Variants in PRPF38B observed in about 807,000 individuals in gnomAD.
The protein encoded by PRPF38B is pre-mRNA processing factor 38B, also known as pre-mRNA-splicing factor 38B.
In PRPF38B, 18 loss-of-function variants were observed where a neutral mutation model predicts 67.2. The observed-to-expected ratio is 0.27, with a 90% CI of 0.19 to 0.40. The LOEUF is 0.40. Among genes scored for constraint, PRPF38B ranks in the 10% least tolerant of loss-of-function variants. The probability of loss-of-function intolerance (pLI) is 1.00; values close to 1 mark genes in which losing one functional copy is unlikely to be tolerated. For missense variants in PRPF38B, 544 were observed against 684.9 expected (o/e 0.79, Z 2.30); for synonymous variants, 246 against 234.2 (o/e 1.05, Z -0.46).
chr1:108,699,359 G>A lies in PRPF38B; in HGVS notation c.980G>A (p.Arg327His), dbSNP rs773866579. Residue 327 changes from arginine (R) to histidine (H), a missense_variant, in exon 6 of 6, where the codon CGC becomes CAC. Arg to His is a conservative substitution (Grantham distance 29). Around this residue, in one of 5 missense-constraint regions of PRPF38B, gnomAD observed 387 missense variants for 386.1 expected, o/e 1.00. Coordinates refer to ENST00000370025, the MANE Select transcript of PRPF38B (RefSeq NM_018061.4). ...CGAAGTATTGACCGGGGGTTAGAACGCAGGCGCAGCAGAAGTAGGGAAAGG... is the reference window on the plus strand; with the variant it reads ...CGAAGTATTGACCGGGGGTTAGAACACAGGCGCAGCAGAAGTAGGGAAAGG... ...RSRSIDRGLE[R>H]RRSRSRERHR... 9.3e-6 allele frequency: 15 copies of A among 1,614,048 alleles called. No homozygotes were observed. The highest frequency in any genetic ancestry group is 1.3e-5 in the Non-Finnish European group (15 of 1,180,038).
Position 108,699,228 on chromosome 1 carries a change from G to C in PRPF38B, c.849G>C (p.Arg283=), listed in dbSNP as rs751845894. Reference sequence around the variant, plus strand: ...GGTCAAGAAGTAGAAGTCATCATCGGGAGGGCCATGGGTCTTCTAGTTTTG... The same window carrying C: ...GGTCAAGAAGTAGAAGTCATCATCGCGAGGGCCATGGGTCTTCTAGTTTTG... ...PRRSRSRSHH[R]EGHGSSSFDR... Residue 283 remains arginine, a synonymous_variant, in exon 6 of 6, where the codon CGG becomes CGC. Coordinates refer to ENST00000370025, the MANE Select transcript of PRPF38B (RefSeq NM_018061.4). 3.7e-6 allele frequency: 6 copies of C among 1,614,142 alleles called. No homozygotes were observed. In the Admixed American group the frequency reaches 8.3e-5, roughly 22 times the overall value.
Position 108,702,925 on chromosome 1 carries a change from A to G in PRPF38B, c.*2905A>G, listed in dbSNP as rs1660658193. On this transcript the variant is annotated 3_prime_UTR_variant, in exon 6 of 6. Transcript: ENST00000370025. Reference sequence around the variant, plus strand: ...TGCAATTAAATTCTATACATGGGCGAGTATATCATCAATCTTAAACTTTTA... The same window carrying G: ...TGCAATTAAATTCTATACATGGGCGGGTATATCATCAATCTTAAACTTTTA... Among the ~76,000 whole-genome samples the G allele has an allele frequency of 6.6e-6, 1 of 152,140 alleles. No homozygotes were observed. The highest frequency in any genetic ancestry group is 1.5e-5 in the Non-Finnish European group (1 of 68,030).
In PRPF38B at chr1:108,699,950, G is replaced by T. The variant is rs140893827; in HGVS notation, c.1571G>T (p.Arg524Leu). ...AAGGACCAGTCAGACAAACATGATC[G>T]TCGAAGGAGCCAAAGTATAGAACAA... Reference protein sequence around the residue: ...DSKDQSDKHDRRRSQSIEQES... With the variant: ...DSKDQSDKHDLRRSQSIEQES... The change falls in exon 6 of 6, where the codon CGT becomes CTT. Residue 524 changes from arginine to leucine, a missense_variant. By Grantham distance (102) the Arg-to-Leu change is moderately radical. Around this residue, in one of 5 missense-constraint regions of PRPF38B, gnomAD observed 387 missense variants for 386.1 expected, o/e 1.00. Coordinates refer to ENST00000370025, the MANE Select transcript of PRPF38B (RefSeq NM_018061.4). 1 of 1,613,326 alleles carries T rather than the reference G, an allele frequency of 6.2e-7. No homozygotes were observed. The highest frequency in any genetic ancestry group is 1.7e-5 in the Admixed American group (1 of 59,732).
chr1:108,698,958 A>C, intron 5 of PRPF38B, 131 bp downstream of exon 5: 1 of 1,316,394 alleles, frequency 7.6e-7, no homozygotes, highest in Non-Finnish European at 1.0e-6. Flanking sequence ...TTTACCCCCC[A>C]AAGATTATTT....
chr1:108,700,172 G>C lies in PRPF38B; in HGVS notation c.*152G>C. On this transcript the variant is annotated 3_prime_UTR_variant, in exon 6 of 6. Transcript: ENST00000370025. ...CTCTTTCGTGTAGGGAAGTGCCTTT[G>C]TAATTCCATTTATTGCATTGGTGTT... is the stretch of plus-strand genomic sequence containing the variant. The C allele has an allele frequency of 1.6e-6, 2 of 1,279,702 alleles. No individual in the cohort carries two copies. The highest frequency in any genetic ancestry group is 1.9e-5 in the South Asian group (1 of 51,598). 79.3% of individuals were successfully genotyped at this position (1,279,702 alleles called of 1,614,324 possible). A position where few individuals can be genotyped will look rare whatever the true frequency, so the allele number is the denominator to read the frequency against.
Position 108,700,237 on chromosome 1 carries a change from G to C in PRPF38B, c.*217G>C. The C allele has an allele frequency of 1.4e-6, 1 of 729,360 alleles. No individual in the cohort carries two copies. 45.2% of individuals were successfully genotyped at this position (729,360 alleles called of 1,614,324 possible). On this transcript the variant is annotated 3_prime_UTR_variant, in exon 6 of 6. Transcript: ENST00000370025. ...AAGTTTGATACATGATGCACAGATTGTTCTTGCATTTTTATTGTTTGTTTT... is the reference window on the plus strand; with the variant it reads ...AAGTTTGATACATGATGCACAGATTCTTCTTGCATTTTTATTGTTTGTTTT...
At position 108,702,688 on chromosome 1, in the gene PRPF38B, A is replaced by G. The variant is rs1557780863; in HGVS notation, c.*2668A>G. Among the ~76,000 whole-genome samples the G allele has an allele frequency of 6.6e-6, 1 of 152,132 alleles. No homozygotes were observed. Among genetic ancestry groups the G allele is most frequent in the Admixed American group, 6.6e-5 (1 of 15,262 alleles). On this transcript the variant is annotated 3_prime_UTR_variant, in exon 6 of 6. Coordinates refer to ENST00000370025, the MANE Select transcript of PRPF38B (RefSeq NM_018061.4). ...ATATTAGGAGAAATACCTAATGTAGATGACAGGTTGATGGGTGCAGCTCAC... is the reference window on the plus strand; with the variant it reads ...ATATTAGGAGAAATACCTAATGTAGGTGACAGGTTGATGGGTGCAGCTCAC...
Position 108,692,452 on chromosome 1 carries a change from C to T in PRPF38B, c.-140C>T, listed in dbSNP as rs945111446. 14 of 1,057,048 alleles carry T rather than the reference C, an allele frequency of 1.3e-5. No individual in the cohort carries two copies. Among genetic ancestry groups the T allele is most frequent in the Non-Finnish European group, 1.9e-5 (14 of 755,608 alleles). 65.5% of individuals were successfully genotyped at this position (1,057,048 alleles called of 1,614,324 possible). ...TGTCGGCGTCGGGTGCCCTCTCTTG[C>T]CCAGCTGGGGCACAGCGAGGCGGCC... On this transcript the variant is annotated 5_prime_UTR_variant, in exon 1 of 6. Transcript: ENST00000370025.
chr1:108,696,443 A>G, intron 4 of PRPF38B, 106 bp downstream of exon 4: 1 of 1,023,868 alleles, frequency 9.8e-7, no homozygotes, highest in East Asian at 2.6e-5. Flanking sequence ...CTGTAGTTAA[A>G]TTTATTTCAG....
Position 108,701,462 on chromosome 1 carries a change from C to G in PRPF38B, c.*1442C>G, listed in dbSNP as rs1660492169. ...ATGTCAAAGACGTTTATTGGGATAC[C>G]TTTTACTTGGACAATATGTTAGCAT... On this transcript the variant is annotated 3_prime_UTR_variant, in exon 6 of 6. Transcript: ENST00000370025. 1 of 152,102 alleles carries G rather than the reference C, an allele frequency of 6.6e-6. No homozygotes were observed. The highest frequency in any genetic ancestry group is 6.6e-5 in the Admixed American group (1 of 15,266). 9.4% of individuals were successfully genotyped at this position (152,102 alleles called of 1,614,324 possible). A position where few individuals can be genotyped will look rare whatever the true frequency, so the allele number is the denominator to read the frequency against.
chr1:108,692,911 A>G, intron 1 of PRPF38B, 44 bp downstream of exon 1: 1 of 1,577,722 alleles, frequency 6.3e-7, no homozygotes, highest in Non-Finnish European at 8.6e-7. Flanking sequence ...AGTTCGGAAG[A>G]GGGGGTATGG....
At chr1:108,693,497 C>T (rs1659543978) in intron 1 of PRPF38B, 1 of 528,902 alleles carries the variant, frequency 1.9e-6, no homozygotes, top group South Asian at 8.3e-5. Context: ...CCCTGGGCTT[C>T]TGCGGCAGGG....
At position 108,699,889 on chromosome 1, in the gene PRPF38B, A is replaced by C. The variant is rs775812574; in HGVS notation, c.1510A>C (p.Lys504Gln). The change falls in exon 6 of 6, where the codon AAA becomes CAA. Residue 504 changes from lysine to glutamine, a missense_variant. Physicochemically the swap from Lys to Gln is moderately conservative, Grantham distance 53 (BLOSUM62 1). Transcript: ENST00000370025. ...KEKSRKRSRS[K>Q]ERSHKRDHSD... ...AAAATCTAGAAAGCGTAGTAGAAGC[A>C]AAGAACGTTCCCACAAACGAGATCA... 83 of 1,614,106 alleles carry C rather than the reference A, an allele frequency of 5.1e-5. No homozygotes were observed. The highest frequency in any genetic ancestry group is 6.5e-5 in the Non-Finnish European group (77 of 1,180,032).
chr1:108,692,893 TG>T (rs938275614), intron 1 of PRPF38B, 26 bp downstream of exon 1: 13 of 1,593,126 alleles, frequency 8.2e-6, no homozygotes, highest in Admixed American at 1.7e-5. Flanking sequence ...GCCTTGGCTT[TG>T]GGGGTAAGTT....
intron 4 of PRPF38B, 147 bp from the exon 5 acceptor site, chr1:108,698,457 T>C: frequency 1.6e-6 from 1 of 644,538 alleles, no homozygotes; most frequent in Non-Finnish European, 2.6e-6. Context: ...TTTCTGTTCA[T>C]TCATTGTCAG....
chr1:108,693,886 A>G lies in PRPF38B; in HGVS notation c.276+1019A>G, dbSNP rs1012123538. Among the ~76,000 whole-genome samples the G allele has an allele frequency of 3.9e-5, 6 of 152,350 alleles. No individual in the cohort carries two copies. The East Asian group carries it at 1.2e-3, about 29-fold the overall frequency. ...GGTCTTTAAAAATTTTATCCGGAGC[A>G]TCTAATACACAATCCATTTTTGTCT... On this transcript the variant is annotated intron_variant, in intron 1 of 5. Transcript: ENST00000370025.
chr1:108,702,761 A>G lies in PRPF38B; in HGVS notation c.*2741A>G, dbSNP rs1056874710. Among the ~76,000 whole-genome samples the G allele has an allele frequency of 2.6e-5, 4 of 152,172 alleles. No individual in the cohort carries two copies. Among genetic ancestry groups the G allele is most frequent in the Admixed American group, 6.6e-5 (1 of 15,266 alleles). On this transcript the variant is annotated 3_prime_UTR_variant, in exon 6 of 6. Transcript: ENST00000370025. Reference sequence around the variant, plus strand: ...GGTAACAAACCGGCACGTTCTGCACATGTATCTGAACTTAAAGTATAATTT... The same window carrying G: ...GGTAACAAACCGGCACGTTCTGCACGTGTATCTGAACTTAAAGTATAATTT...
In PRPF38B at chr1:108,702,215, TC is replaced by T. The variant is rs934660339; in HGVS notation, c.*2198del. Among the ~76,000 whole-genome samples, 119 of 152,272 alleles carry T rather than the reference TC, an allele frequency of 7.8e-4. No homozygotes were observed. The highest frequency in any genetic ancestry group is 2.4e-3 in the African/African-American group (101 of 41,560). ...ATCTCTGCTCACTGCAGCCTCCACT[TC>T]CCTGGCTCAAGTGATCCTCCGAACT... On this transcript the variant is annotated 3_prime_UTR_variant, in exon 6 of 6. Coordinates refer to ENST00000370025, the MANE Select transcript of PRPF38B (RefSeq NM_018061.4).
Position 108,699,562 on chromosome 1 carries a change from A to T in PRPF38B, c.1183A>T (p.Arg395Trp). 1.3e-6 allele frequency: 2 copies of T among 1,553,924 alleles called. No homozygotes were observed. The highest frequency in any genetic ancestry group is 1.7e-6 in the Non-Finnish European group (2 of 1,148,172). The part of the protein sequence containing the change: ...SRERSKEQRS[R>W]GEVEEKKHKE... ...AGAAAGGTCCAAGGAACAGAGAAGT[A>T]GGGGAGAGGTAGAAGAGAAGAAACA... The change falls in exon 6 of 6, where the codon AGG becomes TGG. Residue 395 changes from arginine (R) to tryptophan (W), a missense_variant. This residue lies in a region of PRPF38B where 387 missense variants were observed against 386.1 expected (regional missense o/e 1.00). Coordinates refer to ENST00000370025, the MANE Select transcript of PRPF38B (RefSeq NM_018061.4).
Sources: allele counts gnomAD v4.1 joint callset (sites outside exome capture counted in the v4.1 genomes callset), GRCh38; gene constraint gnomAD v4.1.1; regional missense constraint gnomAD v4.1.1; transcripts MANE v1.5; gene names NCBI Gene and HGNC (gene_info 2026-07-23, HGNC 2026-07-21).